RASGRF2: variants seen among roughly 807,000 people sequenced by gnomAD.
The protein encoded by RASGRF2 is Ras protein specific guanine nucleotide releasing factor 2.
A neutral mutation model predicts 151.0 loss-of-function variants in RASGRF2; 76 were observed. The observed-to-expected ratio is 0.50, with a 90% CI of 0.42 to 0.61. The LOEUF (loss-of-function observed/expected upper bound fraction) is 0.61, where lower values mean the gene tolerates loss of function less well. Ranked by LOEUF, RASGRF2 falls within the 20% of genes least tolerant of loss-of-function variation. The probability of loss-of-function intolerance (pLI) is 0.00; values close to 1 mark genes in which losing one functional copy is unlikely to be tolerated. For missense variants in RASGRF2, 1,148 were observed against 1,564.6 expected (o/e 0.73, Z 4.49); for synonymous variants, 504 against 566.5 (o/e 0.89, Z 1.57).
At chr5:81,145,886 A>G (rs2112609915) in intron 17 of RASGRF2, among the ~76,000 whole-genome samples, 1 of 152,352 alleles carries the variant, frequency 6.6e-6, no homozygotes. Context: ...TTTGTTAGGT[A>G]GATACAGATA....
At chr5:81,146,392 A>G (rs557753924) in intron 17 of RASGRF2, among the ~76,000 whole-genome samples, 39 of 148,814 alleles carry the variant, frequency 2.6e-4, no homozygotes, top group African/African-American at 9.0e-4. Context: ...GTACCCTAGC[A>G]GCTCAGTTGC....
At chr5:81,101,408 A>G (rs1752693836) in intron 12 of RASGRF2, among the ~76,000 whole-genome samples, 1 of 152,116 alleles carries the variant, frequency 6.6e-6, no homozygotes, top group South Asian at 2.1e-4. Context: ...CCAAGTCCCA[A>G]ATGGAAGTAA....
intron 1 of RASGRF2, among the ~76,000 whole-genome samples, chr5:81,020,505 T>C (rs1016776380): frequency 6.6e-6 from 1 of 152,150 alleles, no homozygotes; most frequent in African/African-American, 2.4e-5. Context: ...TTCACCCAAA[T>C]ATTATTAAGG....
At chr5:81,102,791 A>AAATAACTT (rs1486763167) in intron 12 of RASGRF2, among the ~76,000 whole-genome samples, 1 of 152,186 alleles carries the variant, frequency 6.6e-6, no homozygotes, top group Non-Finnish European at 1.5e-5. Context: ...ATTGTTATAA[A>AAATAACTT]AATAACTTTT....
chr5:81,205,789 C>A (rs1215375893), intron 19 of RASGRF2, among the ~76,000 whole-genome samples: 1 of 152,106 alleles, frequency 6.6e-6, no homozygotes, highest in Non-Finnish European at 1.5e-5. Flanking sequence ...CTTGCTCTGT[C>A]GCCCAGGCTG....
intron 2 of RASGRF2, 79 bp from the exon 3 acceptor site, chr5:81,067,953 T>A (rs372783023): frequency 4.9e-6 from 6 of 1,212,584 alleles, no homozygotes; most frequent in African/African-American, 4.6e-5. Flanking sequence ...CTTTTTCAAA[T>A]GTAGCATATT....
At chr5:81,118,089 G>T in intron 15 of RASGRF2, among the ~76,000 whole-genome samples, 1 of 152,206 alleles carries the variant, frequency 6.6e-6, no homozygotes, top group East Asian at 1.9e-4. Flanking sequence ...TCTCAGGCTG[G>T]TGTTGCATGC....
intron 19 of RASGRF2, among the ~76,000 whole-genome samples, chr5:81,206,245 A>ATAAC (rs10686242): frequency 0.23 from 34,829 of 152,088 alleles, 4,237 homozygotes; most frequent in African/African-American, 0.28. Context: ...TGAGAGCTGA[A>ATAAC]TAACATGTAT....
rs958953559 is a variant in RASGRF2 at position 81,226,670 on chromosome 5, CTTTG to C, written c.*908_*911del. ...ACCTAAAAATCATCTCTGCACCTTG[CTTTG>C]TTTGTTTTCTTTCCCCACTCATAGT... On this transcript the variant is annotated 3_prime_UTR_variant, in exon 27 of 27. Transcript: ENST00000265080. 2.6e-5 allele frequency: 4 copies of C among 152,170 alleles called. No homozygotes were observed. The highest frequency in any genetic ancestry group is 4.8e-5 in the African/African-American group (2 of 41,446). 9.4% of individuals were successfully genotyped at this position (152,170 alleles called of 1,614,324 possible). A position where few individuals can be genotyped will look rare whatever the true frequency, so the allele number is the denominator to read the frequency against.
At chr5:81,032,186 C>A (rs1750279153) in intron 1 of RASGRF2, among the ~76,000 whole-genome samples, 1 of 152,110 alleles carries the variant, frequency 6.6e-6, no homozygotes, top group East Asian at 1.9e-4. Context: ...AAGTCCAGGA[C>A]CAGACAGATT....
At chr5:81,113,316 G>A in intron 14 of RASGRF2, 1 of 606,016 alleles carries the variant, frequency 1.7e-6, no homozygotes, top group Non-Finnish European at 2.8e-6. Context: ...GCTGCTGTTT[G>A]GACCACAGTT....
rs372988173 is a variant in RASGRF2 at position 81,094,267 on chromosome 5, G to A, written c.1552-29G>A. The A allele has an allele frequency of 9.2e-5, 146 of 1,586,928 alleles. 1 individual carries two copies. The highest frequency in any genetic ancestry group is 8.6e-4 in the African/African-American group (64 of 74,398). ...TCCCAATCTACACAAGACCTTCAGC[G>A]TCTTAGTGAAAAATTGGTTTGTTTC... On this transcript the variant is annotated intron_variant, in intron 10 of 26. Transcript: ENST00000265080.
At chr5:81,131,886 C>T (rs953340723) in intron 17 of RASGRF2, among the ~76,000 whole-genome samples, 2 of 152,118 alleles carry the variant, frequency 1.3e-5, no homozygotes, top group African/African-American at 4.8e-5. Context: ...TTTATGTAGA[C>T]CCATAGGTGA....
chr5:80,989,920 A>G (rs1039899899), intron 1 of RASGRF2, among the ~76,000 whole-genome samples: 7 of 152,144 alleles, frequency 4.6e-5, no homozygotes, highest in Non-Finnish European at 1.0e-4. Flanking sequence ...TTGGAGAGCT[A>G]TTTCCTCACT....
At chr5:81,153,233 T>G (rs890740) in intron 17 of RASGRF2, among the ~76,000 whole-genome samples, 50,642 of 152,052 alleles carry the variant, frequency 0.33, 8,838 homozygotes, top group East Asian at 0.45. Flanking sequence ...TATGTTACCT[T>G]ACATGGCAAA....
chr5:81,080,518 A>G, intron 6 of RASGRF2, 78 bp from the exon 7 acceptor site: 1 of 1,412,592 alleles, frequency 7.1e-7, no homozygotes, highest in East Asian at 2.3e-5. Flanking sequence ...GCTGGGACCC[A>G]CTCTTTGCCA....
At chr5:81,167,897 T>C (rs1019900249) in intron 17 of RASGRF2, among the ~76,000 whole-genome samples, 1 of 152,226 alleles carries the variant, frequency 6.6e-6, no homozygotes, top group Non-Finnish European at 1.5e-5. Context: ...CTTCAGATCT[T>C]AAATGGATAT....
intron 6 of RASGRF2, among the ~76,000 whole-genome samples, 164 bp from the exon 7 acceptor site, chr5:81,080,432 G>A (rs1752053513): frequency 6.6e-6 from 1 of 152,154 alleles, no homozygotes; most frequent in Non-Finnish European, 1.5e-5. Context: ...GGAGTCAAGT[G>A]CTGCCCATGA....
chr5:81,221,764 G>A (rs552077160), intron 26 of RASGRF2, among the ~76,000 whole-genome samples: 1 of 152,254 alleles, frequency 6.6e-6, no homozygotes, highest in East Asian at 1.9e-4. Flanking sequence ...ATTACCTGAG[G>A]TCAGGAGTTC....
Sources: allele counts gnomAD v4.1 joint callset (sites outside exome capture counted in the v4.1 genomes callset), GRCh38; gene constraint gnomAD v4.1.1; transcripts MANE v1.5; gene names NCBI Gene and HGNC (gene_info 2026-07-23, HGNC 2026-07-21).